Variants in LTK observed in about 807,000 individuals in gnomAD.
LTK encodes leukocyte tyrosine kinase receptor.
In LTK, 117 loss-of-function variants were observed where a neutral mutation model predicts 101.5. The ratio of observed to expected loss-of-function variants is 1.15; its 90% confidence interval spans 0.99 to 1.34. The LOEUF (loss-of-function observed/expected upper bound fraction) is 1.34. Ranked by LOEUF, LTK falls within the 40% of genes most tolerant of loss-of-function variation. The pLI, the probability that LTK is intolerant of heterozygous loss-of-function variation, is 0.00. For synonymous variants in LTK, 563 were observed against 494.2 expected (o/e 1.14, Z -1.85); for missense variants, 1,252 against 1,164.7 (o/e 1.07, Z -1.09).
Position 41,507,294 on chromosome 15 carries a change from G to T in LTK, c.1346-4C>A, listed in dbSNP as rs199683834. 4 of 1,590,886 alleles carry T rather than the reference G, an allele frequency of 2.5e-6. No homozygotes were observed. The highest frequency in any genetic ancestry group is 3.4e-6 in the Non-Finnish European group (4 of 1,168,810). Reference sequence around the variant, plus strand: ...CCCTGCCACTTCTTCTGCTTCACTGGGGGTGGGAAGAATAACGGCACACCC... The same window carrying T: ...CCCTGCCACTTCTTCTGCTTCACTGTGGGTGGGAAGAATAACGGCACACCC... On this transcript the variant is annotated splice_polypyrimidine_tract_variant and splice_region_variant and intron_variant, in intron 10 of 19. Coordinates refer to ENST00000263800, the MANE Select transcript of LTK (RefSeq NM_002344.6).
At chr15:41,512,916 T>C in intron 2 of LTK, 38 bp from the exon 3 acceptor site, 1 of 1,607,544 alleles carries the variant, frequency 6.2e-7, no homozygotes, top group African/African-American at 1.3e-5. Flanking sequence ...GTCGAGCCCC[T>C]GGCTGGGCCA....
rs1488966562 is a variant in LTK at position 41,512,696 on chromosome 15, C to T, written c.359+11G>A. 2.6e-6 allele frequency: 4 copies of T among 1,558,024 alleles called. No homozygotes were observed. The highest frequency in any genetic ancestry group is 4.2e-4 in the Middle Eastern group (2 of 4,772). ...AGGTCACTGTCCACCCTACCTCCGCCGTGCACTTACAGATACTGGCCAGGG... is the reference window on the plus strand; with the variant it reads ...AGGTCACTGTCCACCCTACCTCCGCTGTGCACTTACAGATACTGGCCAGGG... On this transcript the variant is annotated intron_variant, in intron 3 of 19. Transcript: ENST00000263800.
Position 41,504,755 on chromosome 15 carries a change from G to A in LTK, c.2120+18C>T, listed in dbSNP as rs771109740. ...GGGAGGGGAACAGTGGGGAAGGGGA[G>A]GGGAAGGGTGTTATCACCAGGAATC... On this transcript the variant is annotated intron_variant, in intron 17 of 19. Coordinates refer to ENST00000263800, the MANE Select transcript of LTK (RefSeq NM_002344.6). 1.9e-6 allele frequency: 3 copies of A among 1,606,740 alleles called. No individual in the cohort carries two copies. Among genetic ancestry groups the A allele is most frequent in the Non-Finnish European group, 2.5e-6 (3 of 1,176,592 alleles).
rs756641000 is a variant in LTK at position 41,512,762 on chromosome 15, C to A, written c.304G>T (p.Ala102Ser). The change falls in exon 3 of 20, where the codon GCC becomes TCC. Residue 102 changes from alanine to serine, a missense_variant. Ala to Ser is a moderately conservative substitution (Grantham distance 99). Coordinates refer to ENST00000263800, the MANE Select transcript of LTK (RefSeq NM_002344.6). ...AGCTGCACGCCTCTCAGCTGCCCGGCGGCCCCCACGGTCACCACCACGCTG... is the reference window on the plus strand; with the variant it reads ...AGCTGCACGCCTCTCAGCTGCCCGGAGGCCCCCACGGTCACCACCACGCTG... ...GTSVVVTVGA[A>S]GQLRGVQLWR... The A allele has an allele frequency of 6.8e-6, 11 of 1,609,378 alleles. No homozygotes were observed. Among genetic ancestry groups the A allele is most frequent in the East Asian group, 4.5e-5 (2 of 44,798 alleles).
In LTK at chr15:41,504,844, G is replaced by A. The variant is rs773307999; in HGVS notation, c.2049C>T (p.Ala683=). ...GGGGCATCCACTTGACTGGGAGCAA[G>A]GCCCGGTCCCCCCTGCGGTAATAAC... ...RASYYRRGDR[A]LLPVKWMPPE... Residue 683 remains alanine, a synonymous_variant, in exon 17 of 20, where the codon GCC becomes GCT. Coordinates refer to ENST00000263800, the MANE Select transcript of LTK (RefSeq NM_002344.6). 6.2e-7 allele frequency: 1 copy of A among 1,613,316 alleles called. No individual in the cohort carries two copies. The highest frequency in any genetic ancestry group is 1.3e-5 in the African/African-American group (1 of 75,030).
At chr15:41,504,909 A>G (rs1174190098) in intron 16 of LTK, 35 bp from the exon 17 acceptor site, 1 of 1,602,642 alleles carries the variant, frequency 6.2e-7, no homozygotes, top group Non-Finnish European at 8.5e-7. Flanking sequence ...TGAGTTGTTC[A>G]CCACCAAGGT....
intron 17 of LTK, 50 bp from the exon 18 acceptor site, chr15:41,504,690 C>T: frequency 6.2e-7 from 1 of 1,604,994 alleles, no homozygotes; most frequent in Non-Finnish European, 8.5e-7. Context: ...TGTAGCCTCC[C>T]CTCACATGAG....
At position 41,503,862 on chromosome 15, in the gene LTK, C is replaced by T. The variant is rs2051155507; in HGVS notation, c.*134G>A. ...CAAGTGCAGCGCTGCCAGGCCAGCC[C>T]CGAGACAGGCCCAGACACACAGCAC... On this transcript the variant is annotated 3_prime_UTR_variant, in exon 20 of 20. Transcript: ENST00000263800. The T allele has an allele frequency of 8.9e-7, 1 of 1,117,600 alleles. No individual in the cohort carries two copies. The highest frequency in any genetic ancestry group is 1.6e-5 in the South Asian group (1 of 61,488). The allele number at this position is 1,117,600 out of a possible 1,614,324, so 69.2% of individuals were successfully genotyped here. A position where few individuals can be genotyped will look rare whatever the true frequency, so the allele number is the denominator to read the frequency against.
At position 41,511,774 on chromosome 15, in the gene LTK, G is replaced by A; in HGVS notation, c.657+43C>T. 5.4e-6 allele frequency: 8 copies of A among 1,474,124 alleles called. No individual in the cohort carries two copies. Among genetic ancestry groups the A allele is most frequent in the South Asian group, 1.3e-5 (1 of 75,404 alleles). The allele number at this position is 1,474,124 out of a possible 1,614,324, so 91.3% of individuals were successfully genotyped here. The stretch of plus-strand genomic sequence containing the variant: ...GCCGGTGCGTGAGCGCCCCTGGGGA[G>A]AGGATTGGGACCCCAACGCTGAGCG... On this transcript the variant is annotated intron_variant, in intron 5 of 19. Transcript: ENST00000263800. This position sits in a 1 kb window ranked among gnomAD's most constrained non-coding sequence, Gnocchi z 5.9.
At chr15:41,506,202 G>T (rs1381627502) in intron 11 of LTK, among the ~76,000 whole-genome samples, 197 bp from the exon 12 acceptor site, 6 of 152,262 alleles carry the variant, frequency 3.9e-5, no homozygotes, top group African/African-American at 1.2e-4. Context: ...GGGCAAAAAA[G>T]AGGGCAGATG....
chr15:41,511,025 T>C lies in LTK; in HGVS notation c.997+139A>G. 2 of 1,193,150 alleles carry C rather than the reference T, an allele frequency of 1.7e-6. No individual in the cohort carries two copies. Among genetic ancestry groups the C allele is most frequent in the South Asian group, 3.4e-5 (1 of 29,724 alleles). The allele number at this position is 1,193,150 out of a possible 1,614,324, so 73.9% of individuals were successfully genotyped here. A position where few individuals can be genotyped will look rare whatever the true frequency, so the allele number is the denominator to read the frequency against. On this transcript the variant is annotated intron_variant, in intron 7 of 19. Coordinates refer to ENST00000263800, the MANE Select transcript of LTK (RefSeq NM_002344.6). The surrounding 1 kb of genome is among the most constrained non-coding windows in gnomAD (Gnocchi z 5.9). ...TTTGACCTCCTTTTCTAAGAGCTCC[T>C]GCTTTTTGTTTGGAGCTGCTGAGCA... is the stretch of plus-strand genomic sequence containing the variant.
Position 41,511,868 on chromosome 15 carries a change from C to T in LTK, c.606G>A (p.Arg202=), listed in dbSNP as rs766243833. 6.8e-7 allele frequency: 1 copy of T among 1,467,994 alleles called. No individual in the cohort carries two copies. Among genetic ancestry groups the T allele is most frequent in the African/African-American group, 1.5e-5 (1 of 66,510 alleles). The allele number at this position is 1,467,994 out of a possible 1,614,324, so 90.9% of individuals were successfully genotyped here. ...MDGSEGVPGS[R]RWAGGGGGGG... ...CACCCCCGCCACCTCCCGCCCAGCGCCGCGACCCCGGGACCCCTTCGCTCC... is the reference window on the plus strand; with the variant it reads ...CACCCCCGCCACCTCCCGCCCAGCGTCGCGACCCCGGGACCCCTTCGCTCC... The change falls in exon 5 of 20, where the codon CGG becomes CGA. Residue 202 remains arginine (R), a synonymous_variant. Transcript: ENST00000263800. This position sits in a 1 kb window ranked among gnomAD's most constrained non-coding sequence, Gnocchi z 5.9.
rs1403940912 is a variant in LTK at position 41,505,942 on chromosome 15, G to A, written c.1605C>T (p.Asp535=). The A allele has an allele frequency of 1.2e-6, 2 of 1,613,942 alleles. No individual in the cohort carries two copies. Among genetic ancestry groups the A allele is most frequent in the African/African-American group, 1.3e-5 (1 of 75,040 alleles). ...TGATAGCTACCTGCAGGGGACTGGAGTCCCCAGGAAGGCCAATTACCAGTC... is the reference window on the plus strand; with the variant it reads ...TGATAGCTACCTGCAGGGGACTGGAATCCCCAGGAAGGCCAATTACCAGTC... ...YEGLVIGLPG[D]SSPLQVAIKT... The change falls in exon 12 of 20, where the codon GAC becomes GAT. Residue 535 remains aspartate (D), a synonymous_variant. Transcript: ENST00000263800.
chr15:41,513,163 G>A, intron 1 of LTK, 43 bp from the exon 2 acceptor site: 1 of 1,534,336 alleles, frequency 6.5e-7, no homozygotes, highest in Non-Finnish European at 8.7e-7. Flanking sequence ...AAGGCGGGTG[G>A]AAATAGGATA....
intron 1 of LTK, 48 bp downstream of exon 1, chr15:41,513,619 G>C: frequency 6.3e-7 from 1 of 1,594,464 alleles, no homozygotes; most frequent in Admixed American, 1.7e-5. Flanking sequence ...CCAAGCCTAG[G>C]AAAGTGCCTC....
At position 41,504,760 on chromosome 15, in the gene LTK, A is replaced by G. The variant is rs1375679052; in HGVS notation, c.2120+13T>C. ...GGGAACAGTGGGGAAGGGGAGGGGA[A>G]GGGTGTTATCACCAGGAATCTGTCT... On this transcript the variant is annotated intron_variant, in intron 17 of 19. Transcript: ENST00000263800. 6.2e-7 allele frequency: 1 copy of G among 1,608,372 alleles called. No homozygotes were observed. The highest frequency in any genetic ancestry group is 1.7e-5 in the Admixed American group (1 of 59,644).
intron 19 of LTK, 27 bp from the exon 20 acceptor site, chr15:41,504,271 G>C: frequency 6.2e-7 from 1 of 1,608,076 alleles, no homozygotes. Context: ...AGGGAGCAGG[G>C]GGGCATAGAG....
intron 1 of LTK, 90 bp from the exon 2 acceptor site, chr15:41,513,210 C>T: frequency 6.9e-7 from 1 of 1,447,952 alleles, no homozygotes; most frequent in Non-Finnish European, 9.2e-7. Context: ...GCTGCCCTTG[C>T]GGTCGCGGCC....
At chr15:41,507,964 G>A in intron 9 of LTK, 105 bp downstream of exon 9, 5 of 1,271,320 alleles carry the variant, frequency 3.9e-6, no homozygotes, top group Non-Finnish European at 4.3e-6. Flanking sequence ...ACCCACCACA[G>A]GGCCTGGCAC....
Sources: allele counts gnomAD v4.1 joint callset (sites outside exome capture counted in the v4.1 genomes callset), GRCh38; gene constraint gnomAD v4.1.1; non-coding constraint Gnocchi (gnomAD v3.1); transcripts MANE v1.5; gene names NCBI Gene and HGNC (gene_info 2026-07-23, HGNC 2026-07-21).